PLPP4: variants seen among roughly 807,000 people sequenced by gnomAD.
The protein encoded by PLPP4 is diacylglycerol pyrophosphate like 2.
Under a neutral mutation model 32.2 loss-of-function variants are expected in PLPP4, and 20 were observed. That is an observed-to-expected ratio of 0.62 (90% CI 0.44 to 0.90). PLPP4 has a LOEUF of 0.90. PLPP4 is among the 40% of genes least tolerant of loss of function. The pLI, the probability that PLPP4 is intolerant of heterozygous loss-of-function variation, is 0.00. For missense variants in PLPP4, 257 were observed against 353.1 expected (o/e 0.73, Z 2.18); for synonymous variants, 127 against 133.0 (o/e 0.95, Z 0.31).
intron 5 of PLPP4, among the ~76,000 whole-genome samples, chr10:120,532,382 A>G (rs1029588353): frequency 6.6e-6 from 1 of 152,140 alleles, no homozygotes; most frequent in African/African-American, 2.4e-5. Context: ...ATGGAACCAC[A>G]CTATATTGAT....
intron 6 of PLPP4, among the ~76,000 whole-genome samples, chr10:120,583,789 G>A (rs375563749): frequency 4.6e-5 from 7 of 152,196 alleles, no homozygotes; most frequent in East Asian, 1.9e-4. Context: ...AATAAAAGTC[G>A]GCTGAGCTCT....
chr10:120,483,700 C>T (rs75473952), intron 1 of PLPP4, among the ~76,000 whole-genome samples: 9,242 of 152,242 alleles, frequency 0.061, 351 homozygotes, highest in South Asian at 0.12. Context: ...TAGATCAGTG[C>T]CCTCCTTGGG....
intron 1 of PLPP4, among the ~76,000 whole-genome samples, chr10:120,465,474 G>C (rs560132151): frequency 6.6e-6 from 1 of 152,314 alleles, no homozygotes; most frequent in South Asian, 2.1e-4. Context: ...CTCCACTAAA[G>C]ACAAAGCAGC....
At chr10:120,539,547 T>C (rs1406880063) in intron 5 of PLPP4, among the ~76,000 whole-genome samples, 1 of 152,138 alleles carries the variant, frequency 6.6e-6, no homozygotes, top group African/African-American at 2.4e-5. Context: ...ACCTGGAAGC[T>C]TGAGGTGGAC....
At position 120,508,143 on chromosome 10, in the gene PLPP4, A is replaced by G. The variant is rs776673281; in HGVS notation, c.165+4217A>G. ...TGATACCAGGGTTTTCTATTCTGGG[A>G]TAGGATGCTTCTAAGGAAGGCAGAA... On this transcript the variant is annotated intron_variant, in intron 2 of 6. Coordinates refer to ENST00000398250, the MANE Select transcript of PLPP4 (RefSeq NM_001030059.3). 1.3e-4 allele frequency among the ~76,000 whole-genome samples: 20 copies of G among 152,150 alleles called. 1 individual carries two copies. Among genetic ancestry groups the G allele is most frequent in the Non-Finnish European group, 2.2e-4 (15 of 68,024 alleles).
At chr10:120,586,656 A>C (rs1849775836) in intron 6 of PLPP4, among the ~76,000 whole-genome samples, 1 of 152,212 alleles carries the variant, frequency 6.6e-6, no homozygotes, top group Non-Finnish European at 1.5e-5. Context: ...CTGAGTTACT[A>C]TGTATCCATT....
chr10:120,517,649 T>C (rs1278438641), intron 3 of PLPP4, among the ~76,000 whole-genome samples: 1 of 152,176 alleles, frequency 6.6e-6, no homozygotes, highest in Non-Finnish European at 1.5e-5. Context: ...ACTTAGGTGA[T>C]TTGTTTCCCT....
rs146109348 is a variant in PLPP4 at position 120,468,726 on chromosome 10, A to G, written c.56+11365A>G. 1.5e-3 allele frequency among the ~76,000 whole-genome samples: 101 copies of G among 65,518 alleles called. 29 individuals carry two copies. Among genetic ancestry groups the G allele is most frequent in the African/African-American group, 3.2e-3 (98 of 30,842 alleles). The allele number at this position is 65,518 out of a possible 152,430, so 43.0% of individuals were successfully genotyped here. A position where few individuals can be genotyped will look rare whatever the true frequency, so the allele number is the denominator to read the frequency against. On this transcript the variant is annotated intron_variant, in intron 1 of 6. Transcript: ENST00000398250. ...TGCTTTAGAAATATTTAAAGTGACAATGTGTCAAAATATCAACCTTTCTAC... is the reference window on the plus strand; with the variant it reads ...TGCTTTAGAAATATTTAAAGTGACAGTGTGTCAAAATATCAACCTTTCTAC...
chr10:120,471,760 A>T (rs1848526392), intron 1 of PLPP4, among the ~76,000 whole-genome samples: 1 of 152,058 alleles, frequency 6.6e-6, no homozygotes, highest in African/African-American at 2.4e-5. Context: ...AATATGGTTG[A>T]ATTTAAATCT....
At chr10:120,566,688 A>G (rs906612748) in intron 5 of PLPP4, among the ~76,000 whole-genome samples, 16 of 151,806 alleles carry the variant, frequency 1.1e-4, no homozygotes, top group African/African-American at 2.9e-4. Context: ...CTGAGTAGCT[A>G]GGATTACAGG....
intron 1 of PLPP4, among the ~76,000 whole-genome samples, chr10:120,492,828 A>G (rs999733762): frequency 6.6e-6 from 1 of 152,246 alleles, no homozygotes; most frequent in Non-Finnish European, 1.5e-5. Context: ...TTGAAAGAGT[A>G]GAATGATCCC....
chr10:120,489,206 G>C (rs758658714), intron 1 of PLPP4, among the ~76,000 whole-genome samples: 1 of 152,212 alleles, frequency 6.6e-6, no homozygotes, highest in African/African-American at 2.4e-5. Flanking sequence ...GATGAAGAAC[G>C]CAAGGTTTGC....
chr10:120,472,633 T>C (rs2133796964), intron 1 of PLPP4, among the ~76,000 whole-genome samples: 1 of 152,290 alleles, frequency 6.6e-6, no homozygotes, highest in South Asian at 2.1e-4. Flanking sequence ...CTTTCATCAA[T>C]TAAATAGTCC....
chr10:120,480,799 C>T (rs964849895), intron 1 of PLPP4, among the ~76,000 whole-genome samples: 3 of 152,242 alleles, frequency 2.0e-5, no homozygotes, highest in African/African-American at 7.2e-5. Context: ...TTTCTTGCTA[C>T]AACAACACTT....
chr10:120,574,515 C>T (rs905358531), intron 5 of PLPP4, among the ~76,000 whole-genome samples: 4 of 152,164 alleles, frequency 2.6e-5, no homozygotes, highest in East Asian at 1.9e-4. Context: ...ACCATTATTT[C>T]GGACAGAAAA....
chr10:120,523,620 G>A (rs1370371452), intron 5 of PLPP4, among the ~76,000 whole-genome samples: 1 of 152,140 alleles, frequency 6.6e-6, no homozygotes, highest in Non-Finnish European at 1.5e-5. Context: ...AGTTCTCTTA[G>A]ATTTTTTCTC....
intron 5 of PLPP4, among the ~76,000 whole-genome samples, chr10:120,550,224 G>T (rs1382682167): frequency 6.6e-6 from 1 of 151,786 alleles, no homozygotes; most frequent in Non-Finnish European, 1.5e-5. Flanking sequence ...TAGGTACTTA[G>T]GAATTAATAA....
chr10:120,477,046 T>C (rs1008811107), intron 1 of PLPP4, among the ~76,000 whole-genome samples: 2 of 152,166 alleles, frequency 1.3e-5, no homozygotes, highest in Non-Finnish European at 2.9e-5. Context: ...CTTTCTTAAA[T>C]CCAGTCTCTC....
intron 5 of PLPP4, among the ~76,000 whole-genome samples, chr10:120,534,584 A>C (rs1055211039): frequency 6.6e-6 from 1 of 151,776 alleles, no homozygotes; most frequent in African/African-American, 2.4e-5. Flanking sequence ...TTACATCTAC[A>C]TTGGTATGCT....
Sources: allele counts gnomAD v4.1 joint callset (sites outside exome capture counted in the v4.1 genomes callset), GRCh38; gene constraint gnomAD v4.1.1; transcripts MANE v1.5; gene names NCBI Gene and HGNC (gene_info 2026-07-23, HGNC 2026-07-21).